SEPTIN9: variants seen among roughly 807,000 people sequenced by gnomAD.
The protein encoded by SEPTIN9 is septin 9, also known as septin-9.
Under a neutral mutation model 56.6 loss-of-function variants are expected in SEPTIN9, and 13 were observed. That is an observed-to-expected ratio of 0.23 (90% confidence interval 0.15 to 0.37). SEPTIN9 has a LOEUF of 0.37. Among genes scored for constraint, SEPTIN9 ranks in the 10% least tolerant of loss-of-function variants. SEPTIN9 has a pLI of 1.00. For synonymous variants in SEPTIN9, 332 were observed against 334.1 expected (o/e 0.99, Z 0.07); for missense variants, 650 against 823.1 (o/e 0.79, Z 2.57).
chr17:77,335,224 G>A (rs71384162), intron 2 of SEPTIN9, among the ~76,000 whole-genome samples: 1 of 149,704 alleles, frequency 6.7e-6, no homozygotes, highest in African/African-American at 2.5e-5. Flanking sequence ...CTGTATATGT[G>A]GTCCTGTATT....
At chr17:77,395,717 G>T (rs895332820) in intron 2 of SEPTIN9, among the ~76,000 whole-genome samples, 1 of 152,188 alleles carries the variant, frequency 6.6e-6, no homozygotes, top group East Asian at 1.9e-4. Flanking sequence ...CTGCACATGT[G>T]TGTATGAAAT....
intron 2 of SEPTIN9, among the ~76,000 whole-genome samples, chr17:77,372,177 T>C (rs908847620): frequency 6.6e-6 from 1 of 152,122 alleles, no homozygotes; most frequent in African/African-American, 2.4e-5. Context: ...GGCCCCTGAC[T>C]CTGGGCAGAG....
chr17:77,315,469 G>C (rs1243393935), intron 2 of SEPTIN9, among the ~76,000 whole-genome samples: 1 of 152,074 alleles, frequency 6.6e-6, no homozygotes, highest in Non-Finnish European at 1.5e-5. Flanking sequence ...TGTATTTTTA[G>C]TAGAGACGGG....
intron 3 of SEPTIN9, among the ~76,000 whole-genome samples, chr17:77,408,409 G>C (rs2036167295): frequency 6.6e-6 from 1 of 152,156 alleles, no homozygotes; most frequent in Non-Finnish European, 1.5e-5. Flanking sequence ...GGAAATCTTT[G>C]TCATGTGGGT....
intron 3 of SEPTIN9, among the ~76,000 whole-genome samples, chr17:77,479,354 G>A (rs1568104744): frequency 6.6e-6 from 1 of 152,204 alleles, no homozygotes; most frequent in Non-Finnish European, 1.5e-5. Context: ...TTCCCACTTG[G>A]GAGTCCTGAA....
intron 2 of SEPTIN9, among the ~76,000 whole-genome samples, chr17:77,349,261 C>T (rs2033983128): frequency 6.6e-6 from 1 of 152,146 alleles, no homozygotes; most frequent in African/African-American, 2.4e-5. Flanking sequence ...GGACTACAGG[C>T]ATGTGCCATC....
At chr17:77,358,722 G>T (rs1455147624) in intron 2 of SEPTIN9, among the ~76,000 whole-genome samples, 1 of 152,168 alleles carries the variant, frequency 6.6e-6, no homozygotes, top group Non-Finnish European at 1.5e-5. Flanking sequence ...GGTTAAAGTA[G>T]CCTGTTCATT....
chr17:77,497,068 G>A (rs2040298876), intron 10 of SEPTIN9: 2 of 575,502 alleles, frequency 3.5e-6, no homozygotes, highest in Non-Finnish European at 3.1e-6. Flanking sequence ...GAACTTTCTG[G>A]AGAGCAGGAG....
intron 3 of SEPTIN9, among the ~76,000 whole-genome samples, chr17:77,465,155 G>A (rs1266175410): frequency 2.0e-5 from 3 of 152,204 alleles, no homozygotes; most frequent in African/African-American, 7.2e-5. Context: ...CATCCACATT[G>A]TAGCAGGTGC....
At chr17:77,324,134 T>C (rs2143673671) in intron 2 of SEPTIN9, among the ~76,000 whole-genome samples, 1 of 152,334 alleles carries the variant, frequency 6.6e-6, no homozygotes, top group South Asian at 2.1e-4. Flanking sequence ...GGGGCCTCCT[T>C]CTGTGCCCTA....
intron 2 of SEPTIN9, among the ~76,000 whole-genome samples, chr17:77,391,980 T>C (rs1227017192): frequency 6.6e-6 from 1 of 152,230 alleles, no homozygotes; most frequent in African/African-American, 2.4e-5. Context: ...GGCCTGCCAG[T>C]GCTCCGTTTC....
At chr17:77,482,410 T>C in intron 4 of SEPTIN9, 75 bp downstream of exon 4, 4 of 1,448,996 alleles carry the variant, frequency 2.8e-6, no homozygotes, top group South Asian at 1.2e-5. Context: ...CCACAAGCCT[T>C]TGGGCTTGGT....
At position 77,344,570 on chromosome 17, in the gene SEPTIN9, G is replaced by A. The variant is rs143764130; in HGVS notation, c.76+37373G>A. ...GTGTGCTACATTCTTGTTTGTAGCA[G>A]CACTTTTCCCATAACCAAAAGATGC... is the stretch of plus-strand genomic sequence containing the variant. On this transcript the variant is annotated intron_variant, in intron 2 of 11. Transcript: ENST00000427177. Among the ~76,000 whole-genome samples, 321 of 152,358 alleles carry A rather than the reference G, an allele frequency of 2.1e-3. 1 individual carries two copies. The highest frequency in any genetic ancestry group is 7.4e-3 in the African/African-American group (306 of 41,586).
intron 3 of SEPTIN9, among the ~76,000 whole-genome samples, chr17:77,413,703 G>A (rs1182047594): frequency 1.3e-5 from 2 of 152,158 alleles, no homozygotes; most frequent in Non-Finnish European, 2.9e-5. Context: ...TGGGTCTAGG[G>A]GGCTGAGTGG....
intron 2 of SEPTIN9, among the ~76,000 whole-genome samples, chr17:77,382,792 G>C (rs2035191329): frequency 6.6e-6 from 1 of 152,176 alleles, no homozygotes; most frequent in Non-Finnish European, 1.5e-5. Flanking sequence ...CACCTTTGCA[G>C]GCCCAGTACT....
At chr17:77,481,106 TG>T (rs2039437032) in intron 3 of SEPTIN9, among the ~76,000 whole-genome samples, 1 of 152,182 alleles carries the variant, frequency 6.6e-6, no homozygotes, top group Non-Finnish European at 1.5e-5. Context: ...TGGGTACCCC[TG>T]GAACCCCACT....
rs2034710714 is a variant in SEPTIN9, at chr17:77,371,235, C to T, written c.77-30824C>T. Reference sequence around the variant, plus strand: ...GGGGCTGGAGCCGGTGGGCTCTGAGCACAGTCACGAAGGCATGCGCACTTT... The same window carrying T: ...GGGGCTGGAGCCGGTGGGCTCTGAGTACAGTCACGAAGGCATGCGCACTTT... On this transcript the variant is annotated intron_variant, in intron 2 of 11. Transcript: ENST00000427177. This position sits in a 1 kb window ranked among gnomAD's most constrained non-coding sequence, Gnocchi z 4.1. Among the ~76,000 whole-genome samples, 1 of 152,196 alleles carries T rather than the reference C, an allele frequency of 6.6e-6. No individual in the cohort carries two copies. The highest frequency in any genetic ancestry group is 1.5e-5 in the Non-Finnish European group (1 of 68,046).
intron 3 of SEPTIN9, chr17:77,444,983 G>A (rs1236486636): frequency 2.7e-6 from 1 of 369,636 alleles, no homozygotes; most frequent in Non-Finnish European, 5.6e-6. Flanking sequence ...CCCAGGCCAA[G>A]TGAGAAGAAA....
Position 77,450,594 on chromosome 17 carries a change from C to T in SEPTIN9, c.722-31550C>T. 1 of 985,716 alleles carries T rather than the reference C, an allele frequency of 1.0e-6. No homozygotes were observed. Among genetic ancestry groups the T allele is most frequent in the Middle Eastern group, 5.2e-4 (1 of 1,922 alleles). The allele number at this position is 985,716 out of a possible 1,614,324, so 61.1% of individuals were successfully genotyped here. On this transcript the variant is annotated intron_variant, in intron 3 of 11. Transcript: ENST00000427177. The surrounding 1 kb of genome is among the most constrained non-coding windows in gnomAD (Gnocchi z 6.0). ...CAGATCCCAGCGTCCAGGCCCAGCCCCTATAGTGTCAGCTCCCTCCTCTGG... is the reference window on the plus strand; with the variant it reads ...CAGATCCCAGCGTCCAGGCCCAGCCTCTATAGTGTCAGCTCCCTCCTCTGG...
Sources: gnomAD v4.1 joint callset for allele counts (sites outside exome capture counted in the v4.1 genomes callset) on GRCh38, gnomAD v4.1.1 for gene constraint, Gnocchi (gnomAD v3.1) non-coding constraint, MANE v1.5 for transcripts, NCBI Gene and HGNC (gene_info 2026-07-23, HGNC 2026-07-21) for gene names.